DHX57: variants seen among roughly 807,000 people sequenced by gnomAD.
The protein encoded by DHX57 is DExH-box helicase 57, also known as putative ATP-dependent RNA helicase DHX57.
Under a neutral mutation model 156.2 loss-of-function variants are expected in DHX57, and 105 were observed. That is an observed-to-expected ratio of 0.67 (90% CI 0.57 to 0.79). The LOEUF (loss-of-function observed/expected upper bound fraction) is 0.79. Ranked by LOEUF, DHX57 falls within the 30% of genes least tolerant of loss-of-function variation. DHX57 has a pLI of 0.00. For missense variants in DHX57, 1,847 were observed against 1,661.9 expected (o/e 1.11, Z -1.94); for synonymous variants, 704 against 595.6 (o/e 1.18, Z -2.65).
rs1238150703 is a variant in DHX57 at position 38,848,301 on chromosome 2, T to G, written c.2132A>C (p.Tyr711Ser). Reference protein sequence around the residue: ...ATLNAELFSDYFNSCPVITIP... With the variant: ...ATLNAELFSDSFNSCPVITIP... The stretch of plus-strand genomic sequence containing the variant: ...AGTAATAACGGGGCAGGAATTAAAA[T>G]AGTCTGAAAAAAGCTCAGCGTTTAG... Residue 711 changes from tyrosine (Y) to serine (S), a missense_variant, in exon 10 of 24, where the codon TAT (tyrosine) becomes TCT (serine). Transcript: ENST00000457308. 6.2e-7 allele frequency: 1 copy of G among 1,609,274 alleles called. No homozygotes were observed. Among genetic ancestry groups the G allele is most frequent in the Non-Finnish European group, 8.5e-7 (1 of 1,178,162 alleles).
chr2:38,875,693 T>C, intron 1 of DHX57, 94 bp downstream of exon 1: 1 of 207,716 alleles, frequency 4.8e-6, no homozygotes, highest in Non-Finnish European at 9.6e-6. Context: ...CGACCACTCC[T>C]GGAGCAGGAG....
At position 38,798,251 on chromosome 2, in the gene DHX57, A is replaced by G. The variant is rs763144716; in HGVS notation, c.*48T>C. 2 of 1,573,830 alleles carry G rather than the reference A, an allele frequency of 1.3e-6. No individual in the cohort carries two copies. The highest frequency in any genetic ancestry group is 2.2e-5 in the East Asian group (1 of 44,470). On this transcript the variant is annotated 3_prime_UTR_variant, in exon 24 of 24. Coordinates refer to ENST00000457308, the MANE Select transcript of DHX57 (RefSeq NM_198963.3). ...GGTAGAGGTTCTGCTGTTATTTCCC[A>G]GGTGAGCTAGAAGCAGGTGAGTAGC...
chr2:38,873,459 A>T (rs978088377), intron 1 of DHX57, among the ~76,000 whole-genome samples: 1 of 152,238 alleles, frequency 6.6e-6, no homozygotes, highest in South Asian at 2.1e-4. Context: ...ATGATTATAC[A>T]TATGTATTCA....
At chr2:38,839,774 T>C (rs1163125033) in intron 12 of DHX57, among the ~76,000 whole-genome samples, 2 of 151,006 alleles carry the variant, frequency 1.3e-5, no homozygotes, top group East Asian at 1.9e-4. Context: ...ATGAATACCA[T>C]GTTGGTCAAA....
At chr2:38,859,656 C>G (rs745736851) in intron 5 of DHX57, among the ~76,000 whole-genome samples, 1 of 151,974 alleles carries the variant, frequency 6.6e-6, no homozygotes, top group African/African-American at 2.4e-5. Context: ...GGGAGTGGGT[C>G]GGGTGGTTAG....
chr2:38,861,213 T>A lies in DHX57; in HGVS notation c.1197A>T (p.Thr399=). ...CGACAGGTTCCGAAGTTTCCGCAAA[T>A]GTCAAGGCCTTGTCATAAAGAAACT... ...ISEFLYDKAL[T]FAETSEPVVY... Residue 399 remains threonine (T), a synonymous_variant, in exon 5 of 24, where the codon ACA becomes ACT. Coordinates refer to ENST00000457308, the MANE Select transcript of DHX57 (RefSeq NM_198963.3). The A allele has an allele frequency of 6.2e-7, 1 of 1,614,122 alleles. No homozygotes were observed. The highest frequency in any genetic ancestry group is 8.5e-7 in the Non-Finnish European group (1 of 1,180,000).
chr2:38,821,557 G>T (rs1670816250), intron 17 of DHX57, among the ~76,000 whole-genome samples: 1 of 152,116 alleles, frequency 6.6e-6, no homozygotes. Flanking sequence ...GCTGGGCATG[G>T]TGGCACACAC....
chr2:38,856,222 A>T, intron 7 of DHX57, 118 bp downstream of exon 7: 1 of 1,401,412 alleles, frequency 7.1e-7, no homozygotes, highest in Non-Finnish European at 9.4e-7. Flanking sequence ...CTCAAGGCAG[A>T]TGTATATAAT....
At chr2:38,844,832 G>C (rs999491621) in intron 11 of DHX57, among the ~76,000 whole-genome samples, 2 of 152,132 alleles carry the variant, frequency 1.3e-5, no homozygotes, top group East Asian at 3.8e-4. Flanking sequence ...TAGTCTGAGA[G>C]TGCTAAGGTT....
At position 38,843,091 on chromosome 2, in the gene DHX57, G is replaced by C. The variant is rs1017306327; in HGVS notation, c.2339C>G (p.Ser780Cys). The C allele has an allele frequency of 2.5e-6, 4 of 1,614,066 alleles. No homozygotes were observed. The highest frequency in any genetic ancestry group is 3.3e-5 in the Admixed American group (2 of 59,996). Residue 780 changes from serine to cysteine, a missense_variant, in exon 12 of 24, where the codon TCC becomes TGC. Physicochemically the swap from Ser to Cys is moderately radical, Grantham distance 112. Transcript: ENST00000457308. ...AGAATCCTGATCCTGGAGGTGAAGG[G>C]AGAGCCTTAGGTCTTCTTCCACTTC... Reference protein sequence around the residue: ...FEEVEEDLRLSLHLQDQDSVK... With the variant: ...FEEVEEDLRLCLHLQDQDSVK...
chr2:38,853,064 C>CTTTTCTTTTCTT (rs1225996543), intron 9 of DHX57: 1 of 176,634 alleles, frequency 5.7e-6, no homozygotes, highest in East Asian at 1.7e-4. Context: ...CTTTTCTTTT[C>CTTTTCTTTTCTT]TTTTCTTTTG....
chr2:38,869,371 A>C (rs745644483), intron 1 of DHX57, among the ~76,000 whole-genome samples: 28 of 152,228 alleles, frequency 1.8e-4, no homozygotes, highest in Admixed American at 3.3e-4. Flanking sequence ...ACAGGATTAA[A>C]TGAAGATGTA....
intron 21 of DHX57, among the ~76,000 whole-genome samples, chr2:38,810,125 C>T (rs1670165305): frequency 1.3e-5 from 2 of 151,698 alleles, no homozygotes; most frequent in Admixed American, 6.6e-5. Context: ...AAACTCCTGA[C>T]CTCAGGTGAT....
Position 38,798,144 on chromosome 2 carries a change from G to T in DHX57, c.*155C>A, listed in dbSNP as rs1325495715. 5 of 940,612 alleles carry T rather than the reference G, an allele frequency of 5.3e-6. No homozygotes were observed. Among genetic ancestry groups the T allele is most frequent in the Non-Finnish European group, 7.9e-6 (5 of 633,164 alleles). The allele number at this position is 940,612 out of a possible 1,614,324, so 58.3% of individuals were successfully genotyped here. Reference sequence around the variant, plus strand: ...GGCTTTGTTAGAAATGGCCCTAAGGGTATATACACTGCCTCAGCTGCCTTG... The same window carrying T: ...GGCTTTGTTAGAAATGGCCCTAAGGTTATATACACTGCCTCAGCTGCCTTG... On this transcript the variant is annotated 3_prime_UTR_variant, in exon 24 of 24. Transcript: ENST00000457308.
At chr2:38,812,833 C>T (rs1330180212) in intron 21 of DHX57, among the ~76,000 whole-genome samples, 2 of 69,218 alleles carry the variant, frequency 2.9e-5, no homozygotes, top group Non-Finnish European at 7.0e-5. Context: ...GTGCCTGTCC[C>T]TTATTTACTT....
Position 38,861,221 on chromosome 2 carries a change from C to T in DHX57, c.1189G>A (p.Ala397Thr), listed in dbSNP as rs760789150. 9.3e-6 allele frequency: 15 copies of T among 1,613,978 alleles called. No individual in the cohort carries two copies. Among genetic ancestry groups the T allele is most frequent in the Middle Eastern group, 1.6e-4 (1 of 6,084 alleles). The change falls in exon 5 of 24, where the codon GCC (alanine) becomes ACC (threonine). Residue 397 changes from alanine to threonine, a missense_variant. Physicochemically the swap from Ala to Thr is moderately conservative, Grantham distance 58. Coordinates refer to ENST00000457308, the MANE Select transcript of DHX57 (RefSeq NM_198963.3). The part of the protein sequence containing the change: ...LHISEFLYDK[A>T]LTFAETSEPV... Reference sequence around the variant, plus strand: ...TCCGAAGTTTCCGCAAATGTCAAGGCCTTGTCATAAAGAAACTCAGAAATA... The same window carrying T: ...TCCGAAGTTTCCGCAAATGTCAAGGTCTTGTCATAAAGAAACTCAGAAATA...
At chr2:38,838,587 C>A (rs17494315) in intron 12 of DHX57, among the ~76,000 whole-genome samples, 87,035 of 151,990 alleles carry the variant, frequency 0.57, 26,051 homozygotes, top group East Asian at 0.81. Context: ...CAAAATTCAA[C>A]GTCAAATACA....
intron 1 of DHX57, among the ~76,000 whole-genome samples, chr2:38,874,634 C>T (rs1264287180): frequency 6.6e-6 from 1 of 152,152 alleles, no homozygotes; most frequent in South Asian, 2.1e-4. Context: ...TGGTCTCGAT[C>T]TCCTGACCTC....
intron 21 of DHX57, among the ~76,000 whole-genome samples, chr2:38,812,038 C>T (rs1053645413): frequency 6.6e-6 from 1 of 152,098 alleles, no homozygotes; most frequent in Non-Finnish European, 1.5e-5. Flanking sequence ...GGATTATAGG[C>T]ATGAGCCAAT....
Sources: allele counts gnomAD v4.1 joint callset (sites outside exome capture counted in the v4.1 genomes callset), GRCh38; gene constraint gnomAD v4.1.1; transcripts MANE v1.5; gene names NCBI Gene and HGNC (gene_info 2026-07-23, HGNC 2026-07-21).